PANK3: variants seen among roughly 807,000 people sequenced by gnomAD.
PANK3 encodes the protein pantothenate kinase 3.
A neutral mutation model predicts 39.4 loss-of-function variants in PANK3; 20 were observed. The ratio of observed to expected loss-of-function variants is 0.51; its 90% CI spans 0.36 to 0.74. PANK3 has a LOEUF of 0.74. Among genes scored for constraint, PANK3 ranks in the 30% least tolerant of loss-of-function variants. The pLI is 0.00. For missense variants in PANK3, 265 were observed against 437.0 expected, an observed-to-expected ratio of 0.61 and a Z score of 3.51; for synonymous variants, 140 against 157.3, an observed-to-expected ratio of 0.89 and a Z score of 0.82.
chr5:168,576,879 A>T (rs969286154), intron 1 of PANK3, among the ~76,000 whole-genome samples: 1 of 148,634 alleles, frequency 6.7e-6, no homozygotes, highest in Admixed American at 6.6e-5. Flanking sequence ...TATTAATATT[A>T]TTATTATTAT....
chr5:168,576,149 T>C (rs1759727453), intron 1 of PANK3, among the ~76,000 whole-genome samples: 1 of 152,186 alleles, frequency 6.6e-6, no homozygotes. Flanking sequence ...TATTAGAAAC[T>C]ACTACCCCAA....
intron 6 of PANK3, 125 bp downstream of exon 6, chr5:168,558,907 C>T (rs1032884849): frequency 1.7e-5 from 15 of 871,740 alleles, no homozygotes; most frequent in Admixed American, 8.9e-5. Flanking sequence ...ATTGATGAGC[C>T]CAGGAGGAAG....
Position 168,551,955 on chromosome 5 carries a change from T to C in PANK3, c.*5616A>G, listed in dbSNP as rs1473973654. The C allele has an allele frequency of 6.6e-6, 1 of 152,186 alleles. No individual in the cohort carries two copies. The highest frequency in any genetic ancestry group is 1.5e-5 in the Non-Finnish European group (1 of 68,026). 9.4% of individuals were successfully genotyped at this position (152,186 alleles called of 1,614,324 possible). On this transcript the variant is annotated 3_prime_UTR_variant, in exon 7 of 7. Transcript: ENST00000239231. Reference sequence around the variant, plus strand: ...CAAGGAACTGCCATGTCAAATTACATGGCAAGTTTACTAATAGTCTTTGGA... The same window carrying C: ...CAAGGAACTGCCATGTCAAATTACACGGCAAGTTTACTAATAGTCTTTGGA...
intron 1 of PANK3, among the ~76,000 whole-genome samples, chr5:168,570,789 G>C (rs1759617376): frequency 6.6e-6 from 1 of 152,220 alleles, no homozygotes; most frequent in African/African-American, 2.4e-5. Flanking sequence ...CTAAGTAAGA[G>C]AGTGGCACAG....
chr5:168,558,890 TGGGA>T, intron 6 of PANK3, 138 bp downstream of exon 6: 1 of 639,658 alleles, frequency 1.6e-6, no homozygotes, highest in Non-Finnish European at 2.4e-6. Context: ...GAGGCTGAGG[TGGGA>T]GGATTGATGA....
chr5:168,561,287 A>T, intron 5 of PANK3, 106 bp downstream of exon 5: 1 of 991,540 alleles, frequency 1.0e-6, no homozygotes, highest in Non-Finnish European at 1.4e-6. Context: ...GTTACATCTC[A>T]ATCCCAGAGG....
intron 1 of PANK3, among the ~76,000 whole-genome samples, chr5:168,576,834 C>A (rs1759738216): frequency 6.6e-6 from 1 of 151,670 alleles, no homozygotes; most frequent in African/African-American, 2.4e-5. Flanking sequence ...ACAAATATAT[C>A]TTTTGTTAAC....
Position 168,559,015 on chromosome 5 carries a change from AC to A in PANK3, c.1062+16del. The A allele has an allele frequency of 6.3e-7, 1 of 1,595,086 alleles. No individual in the cohort carries two copies. The highest frequency in any genetic ancestry group is 8.5e-7 in the Non-Finnish European group (1 of 1,172,664). On this transcript the variant is annotated intron_variant, in intron 6 of 6. Coordinates refer to ENST00000239231, the MANE Select transcript of PANK3 (RefSeq NM_024594.4). Reference sequence around the variant, plus strand: ...AACATGCTATTAAAATTCACAAAAAACATTTTCCTACCATACCTCATGTTCT... The same window carrying A: ...AACATGCTATTAAAATTCACAAAAAAATTTTCCTACCATACCTCATGTTCT...
At chr5:168,565,868 A>AAAAAAAATACATATATATAT in intron 3 of PANK3, 145 bp downstream of exon 3, 2 of 131,394 alleles carry the variant, frequency 1.5e-5, no homozygotes, top group African/African-American at 7.1e-5. Flanking sequence ...AAAAAAAAAA[A>AAAAAAAATACATATATATAT]ATATATATAT....
rs546740867 is a variant in PANK3 at position 168,566,734 on chromosome 5, C to CCATT, written c.382-472_382-469dup. Among the ~76,000 whole-genome samples, 243 of 152,218 alleles carry CCATT rather than the reference C, an allele frequency of 1.6e-3. 2 individuals are homozygous for CCATT. Among genetic ancestry groups the CCATT allele is most frequent in the African/African-American group, 5.2e-3 (215 of 41,528 alleles). ...TATTCGTCCTATGGATTCAGTCACT[C>CCATT]CATTCATTCATTCATTCATTCATTT... is the stretch of plus-strand genomic sequence containing the variant. On this transcript the variant is annotated intron_variant, in intron 2 of 6. Coordinates refer to ENST00000239231, the MANE Select transcript of PANK3 (RefSeq NM_024594.4).
intron 1 of PANK3, chr5:168,578,566 A>C (rs1759770592): frequency 1.3e-5 from 2 of 152,244 alleles, no homozygotes; most frequent in Non-Finnish European, 2.9e-5. Flanking sequence ...AGCAAATGAA[A>C]GTCGACCTTT....
intron 1 of PANK3, among the ~76,000 whole-genome samples, chr5:168,569,350 A>G (rs1362835329): frequency 1.3e-5 from 2 of 149,310 alleles, no homozygotes; most frequent in African/African-American, 4.9e-5. Context: ...ACGCCTGCCT[A>G]ATTTTTTTTT....
chr5:168,554,477 C>T lies in PANK3; in HGVS notation c.*3094G>A, dbSNP rs1221722442. On this transcript the variant is annotated 3_prime_UTR_variant, in exon 7 of 7. Transcript: ENST00000239231. ...CCTTATATTCGATTACAGGCATGAG[C>T]CACTGCACCCAGCCTCAATTGTTTA... The T allele has an allele frequency of 1.3e-5, 2 of 152,170 alleles. No individual in the cohort carries two copies. Among genetic ancestry groups the T allele is most frequent in the African/African-American group, 2.4e-5 (1 of 41,438 alleles). The allele number at this position is 152,170 out of a possible 1,614,324, so 9.4% of individuals were successfully genotyped here.
At chr5:168,567,002 C>T (rs1759545879) in intron 2 of PANK3, among the ~76,000 whole-genome samples, 2 of 152,152 alleles carry the variant, frequency 1.3e-5, no homozygotes, top group Admixed American at 1.3e-4. Context: ...CCTTGGCTTC[C>T]CAAAGTGCTG....
intron 5 of PANK3, among the ~76,000 whole-genome samples, chr5:168,561,136 G>A (rs1372699237): frequency 2.0e-5 from 3 of 151,952 alleles, no homozygotes; most frequent in African/African-American, 4.8e-5. Flanking sequence ...CATCCTCAAG[G>A]GATTTAGGTT....
intron 4 of PANK3, among the ~76,000 whole-genome samples, chr5:168,563,620 G>A (rs1205457278): frequency 1.3e-5 from 2 of 151,324 alleles, no homozygotes; most frequent in East Asian, 3.9e-4. Flanking sequence ...TTGTATATGG[G>A]GAGAAAAGTA....
chr5:168,562,700 TAAAC>T (rs1324766772), intron 4 of PANK3, among the ~76,000 whole-genome samples: 1 of 152,182 alleles, frequency 6.6e-6, no homozygotes, highest in Non-Finnish European at 1.5e-5. Flanking sequence ...AAAGTAGCCT[TAAAC>T]AAACAGACAA....
rs1759366515 is a variant in PANK3 at position 168,557,458 on chromosome 5, C to A, written c.*113G>T. 2.2e-6 allele frequency: 2 copies of A among 914,680 alleles called. No individual in the cohort carries two copies. The highest frequency in any genetic ancestry group is 1.5e-5 in the South Asian group (1 of 64,640). 56.7% of individuals were successfully genotyped at this position (914,680 alleles called of 1,614,324 possible). A position where few individuals can be genotyped will look rare whatever the true frequency, so the allele number is the denominator to read the frequency against. ...CCTTTAATATGGCAACATTCAGCAG[C>A]TTATGCTACTCTTTTATCCTTTGGT... On this transcript the variant is annotated 3_prime_UTR_variant, in exon 7 of 7. Coordinates refer to ENST00000239231, the MANE Select transcript of PANK3 (RefSeq NM_024594.4).
At chr5:168,566,387 G>C (rs761937769) in intron 2 of PANK3, 121 bp from the exon 3 acceptor site, 1 of 1,110,934 alleles carries the variant, frequency 9.0e-7, no homozygotes, top group African/African-American at 1.6e-5. Context: ...TTTTCATTTT[G>C]TTTCATGTCA....
Sources: allele counts gnomAD v4.1 joint callset (sites outside exome capture counted in the v4.1 genomes callset), GRCh38; gene constraint gnomAD v4.1.1; transcripts MANE v1.5; gene names NCBI Gene and HGNC (gene_info 2026-07-23, HGNC 2026-07-21).